STRN4: variants seen among roughly 807,000 people sequenced by gnomAD.
STRN4 encodes the protein striatin 4.
In STRN4, 27 loss-of-function variants were observed where a neutral mutation model predicts 77.9. The observed-to-expected ratio is 0.35, with a 90% confidence interval of 0.26 to 0.48. STRN4 has a LOEUF of 0.48. Ranked by LOEUF, STRN4 falls within the 20% of genes least tolerant of loss-of-function variation. The pLI is 0.99. For synonymous variants in STRN4, 466 were observed against 443.1 expected, an observed-to-expected ratio of 1.05 and a Z score of -0.65; for missense variants, 798 against 1,049.7, an observed-to-expected ratio of 0.76 and a Z score of 3.31.
At chr19:46,722,124 TGA>T (rs1568386980) in intron 15 of STRN4, 52 bp from the exon 16 acceptor site, 6 of 1,607,406 alleles carry the variant, frequency 3.7e-6, no homozygotes, top group South Asian at 1.1e-5. Context: ...GGGCCTCGCC[TGA>T]GAGAGTGAAA....
Position 46,727,939 on chromosome 19 carries a change from C to T in STRN4, c.1108G>A (p.Val370Met). 1 of 1,613,520 alleles carries T rather than the reference C, an allele frequency of 6.2e-7. No homozygotes were observed. The highest frequency in any genetic ancestry group is 1.3e-5 in the African/African-American group (1 of 75,066). Residue 370 changes from valine to methionine, a missense_variant, in exon 8 of 18, where the codon GTG becomes ATG. Transcript: ENST00000263280. Reference sequence around the variant, plus strand: ...GGTGTGCCAGGAGGCGGGCCAGTCACTTTTGGGGGCAGCCCATCCACATCC... The same window carrying T: ...GGTGTGCCAGGAGGCGGGCCAGTCATTTTTGGGGGCAGCCCATCCACATCC... Reference protein sequence around the residue: ...LRDVDGLPPKVTGPPPGTPQP... With the variant: ...LRDVDGLPPKMTGPPPGTPQP...
chr19:46,734,023 C>T (rs746058555), intron 4 of STRN4: 10 of 152,254 alleles, frequency 6.6e-5, no homozygotes, highest in South Asian at 2.1e-4. Context: ...CTTCGCAGCT[C>T]TGACCCTGTC....
Position 46,738,936 on chromosome 19 carries a change from A to T in STRN4, c.283-48T>A. On this transcript the variant is annotated intron_variant, in intron 1 of 17. Transcript: ENST00000263280. This position sits in a 1 kb window ranked among gnomAD's most constrained non-coding sequence, Gnocchi z 4.5. Reference sequence around the variant, plus strand: ...AAGGGAGATAATGGGGCTCAGGCTCAATGCCGGTGTGTCTATCACTCACCC... The same window carrying T: ...AAGGGAGATAATGGGGCTCAGGCTCTATGCCGGTGTGTCTATCACTCACCC... 1 of 1,528,676 alleles carries T rather than the reference A, an allele frequency of 6.5e-7. No individual in the cohort carries two copies. 94.7% of individuals were successfully genotyped at this position (1,528,676 alleles called of 1,614,324 possible). A position where few individuals can be genotyped will look rare whatever the true frequency, so the allele number is the denominator to read the frequency against.
At chr19:46,746,048 C>G in intron 1 of STRN4, 101 bp downstream of exon 1, 1 of 1,033,926 alleles carries the variant, frequency 9.7e-7, no homozygotes, top group Non-Finnish European at 1.2e-6. Context: ...CGCCGGCCGT[C>G]CCGGCGGCCA....
At chr19:46,721,694 A>C in intron 16 of STRN4, 2 of 376,764 alleles carry the variant, frequency 5.3e-6, no homozygotes, top group Non-Finnish European at 5.0e-6. Context: ...CAGAGCTTCA[A>C]TGGCCAAGTT....
chr19:46,741,632 T>C lies in STRN4; in HGVS notation c.283-2744A>G, dbSNP rs2054475177. ...GCTCACCATATCCACCCACTGCCAC[T>C]CCCTCTAGCCAGAGCCGCAGAGCAT... On this transcript the variant is annotated intron_variant, in intron 1 of 17. Coordinates refer to ENST00000263280, the MANE Select transcript of STRN4 (RefSeq NM_013403.3). The surrounding 1 kb of genome is among the most constrained non-coding windows in gnomAD (Gnocchi z 4.9). Among the ~76,000 whole-genome samples the C allele has an allele frequency of 6.6e-6, 1 of 152,216 alleles. No homozygotes were observed. Among genetic ancestry groups the C allele is most frequent in the East Asian group, 1.9e-4 (1 of 5,176 alleles).
Position 46,727,689 on chromosome 19 carries a change from C to T in STRN4, c.1154-143G>A, listed in dbSNP as rs79128900. ...GGGGAGAGGACAAGATGAAGAATCA[C>T]AGCTGGAAAGAGACAGAGAGACAGA... On this transcript the variant is annotated intron_variant, in intron 8 of 17. Transcript: ENST00000263280. The T allele has an allele frequency of 9.6e-5, 75 of 777,392 alleles. No homozygotes were observed. In the African/African-American group the frequency reaches 1.2e-3, roughly 13 times the overall value. The allele number at this position is 777,392 out of a possible 1,614,324, so 48.2% of individuals were successfully genotyped here.
chr19:46,733,343 T>C lies in STRN4; in HGVS notation c.540-107A>G. 8 of 1,074,084 alleles carry C rather than the reference T, an allele frequency of 7.4e-6. No individual in the cohort carries two copies. Among genetic ancestry groups the C allele is most frequent in the Admixed American group, 2.3e-5 (1 of 43,432 alleles). The allele number at this position is 1,074,084 out of a possible 1,614,324, so 66.5% of individuals were successfully genotyped here. On this transcript the variant is annotated intron_variant, in intron 4 of 17. Transcript: ENST00000263280. This position sits in a 1 kb window ranked among gnomAD's most constrained non-coding sequence, Gnocchi z 4.3. Reference sequence around the variant, plus strand: ...CCTCTTAAGGGGCCACTTAAGAGCATACACCAAAATCTGACATAAGCACAC... The same window carrying C: ...CCTCTTAAGGGGCCACTTAAGAGCACACACCAAAATCTGACATAAGCACAC...
At position 46,738,152 on chromosome 19, in the gene STRN4, G is replaced by A. The variant is rs995446080; in HGVS notation, c.460+12C>T. 5.0e-6 allele frequency: 8 copies of A among 1,614,002 alleles called. No individual in the cohort carries two copies. The highest frequency in any genetic ancestry group is 6.8e-6 in the Non-Finnish European group (8 of 1,179,820). ...GAGGGTGCCGACAGTGCGAGCATCA[G>A]AGGGTGGGTACCTTGTTCTGACACA... On this transcript the variant is annotated intron_variant, in intron 3 of 17. Transcript: ENST00000263280. The surrounding 1 kb of genome is among the most constrained non-coding windows in gnomAD (Gnocchi z 4.5).
chr19:46,727,860 G>C, intron 8 of STRN4, 34 bp downstream of exon 8: 1 of 1,540,844 alleles, frequency 6.5e-7, no homozygotes, highest in Non-Finnish European at 8.8e-7. Flanking sequence ...CCATGGGCCC[G>C]CAGGACTGGG....
intron 4 of STRN4, among the ~76,000 whole-genome samples, chr19:46,735,375 G>A (rs1043711541): frequency 3.3e-5 from 5 of 152,166 alleles, no homozygotes; most frequent in Non-Finnish European, 7.3e-5. Context: ...GCTCATGCCT[G>A]TTGTCCCAGC....
Position 46,725,593 on chromosome 19 carries a change from C to T in STRN4, c.1304G>A (p.Arg435His). ...GGAACGAATGCCGTCGTAGTGCGAG[C>T]GCAGGGTGAACTTGGGGTTCCACGT... ...KKTWNPKFTL[R>H]SHYDGIRSLA... Residue 435 changes from arginine to histidine, a missense_variant, in exon 10 of 18, where the codon CGC (arginine) becomes CAC (histidine). This residue lies in a region of STRN4 where 287 missense variants were observed against 473.8 expected (regional missense o/e 0.61). Coordinates refer to ENST00000263280, the MANE Select transcript of STRN4 (RefSeq NM_013403.3). The T allele has an allele frequency of 1.9e-6, 3 of 1,614,190 alleles. No homozygotes were observed. The highest frequency in any genetic ancestry group is 1.1e-5 in the South Asian group (1 of 91,088).
chr19:46,743,271 CCTCT>C (rs1289548608), intron 1 of STRN4, among the ~76,000 whole-genome samples: 2 of 152,132 alleles, frequency 1.3e-5, no homozygotes, highest in Non-Finnish European at 2.9e-5. Context: ...CACACACACC[CCTCT>C]GAGATGTCTG....
Position 46,720,340 on chromosome 19 carries a change from T to C in STRN4, c.*67-2A>G, listed in dbSNP as rs1282503527. On this transcript the variant is annotated splice_acceptor_variant, in intron 17 of 17. Coordinates refer to ENST00000263280, the MANE Select transcript of STRN4 (RefSeq NM_013403.3). LOFTEE classifies it low-confidence loss of function (3UTR_SPLICE). ...ACCTCCAGCGAGGCTGGGAGTCCCC[T>C]GCGGGAAAGAGAAGGGAGGGGAGAC... 8.3e-6 allele frequency: 3 copies of C among 361,844 alleles called. No homozygotes were observed. The East Asian group carries it at 1.2e-4, about 15-fold the overall frequency. The allele number at this position is 361,844 out of a possible 1,614,324, so 22.4% of individuals were successfully genotyped here.
At chr19:46,725,759 G>A in intron 9 of STRN4, 111 bp from the exon 10 acceptor site, 1 of 1,382,446 alleles carries the variant, frequency 7.2e-7, no homozygotes, top group Non-Finnish European at 9.8e-7. Flanking sequence ...GACCCTGGCA[G>A]GAATGCCCTC....
In STRN4 at chr19:46,723,099, G is replaced by A. The variant is rs376197717; in HGVS notation, c.1765+15C>T. On this transcript the variant is annotated intron_variant, in intron 13 of 17. Transcript: ENST00000263280. The surrounding 1 kb of genome is among the most constrained non-coding windows in gnomAD (Gnocchi z 5.5). Reference sequence around the variant, plus strand: ...CCGCACAGCTCCAGGGTGAGGCACCGGGGCCCCCACTCACCGCTGGCTGTG... The same window carrying A: ...CCGCACAGCTCCAGGGTGAGGCACCAGGGCCCCCACTCACCGCTGGCTGTG... The A allele has an allele frequency of 1.1e-4, 168 of 1,558,904 alleles. No homozygotes were observed. The highest frequency in any genetic ancestry group is 1.3e-4 in the Non-Finnish European group (153 of 1,151,984).
At chr19:46,724,504 C>T (rs1022848434) in intron 12 of STRN4, among the ~76,000 whole-genome samples, 2 of 152,296 alleles carry the variant, frequency 1.3e-5, no homozygotes, top group East Asian at 3.9e-4. Context: ...CCAGGGCCAG[C>T]CACGCCTGTG....
chr19:46,734,223 G>C (rs1264306211), intron 4 of STRN4, among the ~76,000 whole-genome samples: 1 of 152,156 alleles, frequency 6.6e-6, no homozygotes, highest in Non-Finnish European at 1.5e-5. Context: ...TCACCTCACC[G>C]CATGCCAGTT....
intron 1 of STRN4, among the ~76,000 whole-genome samples, chr19:46,742,025 C>G (rs945883305): frequency 2.0e-5 from 3 of 152,162 alleles, no homozygotes; most frequent in Admixed American, 6.5e-5. Flanking sequence ...ATTAAAAGGT[C>G]CCTCCCATCC....
Sources: gnomAD v4.1 joint callset for allele counts (sites outside exome capture counted in the v4.1 genomes callset) on GRCh38, gnomAD v4.1.1 for gene constraint, gnomAD v4.1.1 regional missense constraint, Gnocchi (gnomAD v3.1) non-coding constraint, MANE v1.5 for transcripts, NCBI Gene and HGNC (gene_info 2026-07-23, HGNC 2026-07-21) for gene names.